MDGA2: variants seen among roughly 807,000 people sequenced by gnomAD.
MDGA2 encodes the protein MAM domain-containing glycosylphosphatidylinositol anchor protein 2.
A neutral mutation model predicts 117.8 loss-of-function variants in MDGA2; 40 were observed. The observed-to-expected ratio is 0.34, with a 90% confidence interval of 0.26 to 0.44. The LOEUF (loss-of-function observed/expected upper bound fraction) is 0.44. MDGA2 is among the 20% of genes least tolerant of loss of function. MDGA2 has a pLI of 1.00. For synonymous variants in MDGA2, 452 were observed against 439.0 expected (o/e 1.03, Z -0.37); for missense variants, 1,123 against 1,250.6 (o/e 0.90, Z 1.54).
intron 1 of MDGA2, among the ~76,000 whole-genome samples, chr14:47,504,487 A>T (rs987988084): frequency 2.0e-5 from 3 of 152,108 alleles, no homozygotes; most frequent in African/African-American, 7.2e-5. Context: ...ATGATGTCTG[A>T]CTTCTTCATG....
At chr14:47,199,787 G>T (rs1209166127) in intron 3 of MDGA2, among the ~76,000 whole-genome samples, 1 of 152,096 alleles carries the variant, frequency 6.6e-6, no homozygotes, top group African/African-American at 2.4e-5. Context: ...AGATCAATTT[G>T]CAAAGAATAT....
At chr14:47,551,876 C>T (rs1895588910) in intron 1 of MDGA2, among the ~76,000 whole-genome samples, 1 of 150,940 alleles carries the variant, frequency 6.6e-6, no homozygotes, top group Admixed American at 6.6e-5. Flanking sequence ...ATTTTTGGAG[C>T]GGTAAGAGGA....
At chr14:47,601,042 T>G (rs1184878724) in intron 1 of MDGA2, among the ~76,000 whole-genome samples, 1 of 152,214 alleles carries the variant, frequency 6.6e-6, no homozygotes, top group African/African-American at 2.4e-5. Flanking sequence ...TCAGAAGTTT[T>G]TTAGAGTACA....
rs1363271833 is a variant in MDGA2 at position 46,856,226 on chromosome 14, A to C, written c.2753-1072T>G. Among the ~76,000 whole-genome samples the C allele has an allele frequency of 2.6e-5, 4 of 152,106 alleles. No homozygotes were observed. In the East Asian group the frequency reaches 7.7e-4, roughly 29 times the overall value. On this transcript the variant is annotated intron_variant, in intron 14 of 16. Coordinates refer to ENST00000399232, the MANE Select transcript of MDGA2 (RefSeq NM_001113498.3). ...GAGTCTTACATCTTAATCACTAGGC[A>C]ATCAATATTTTACTAGATAATTTTA...
At chr14:46,929,649 A>T (rs1323795042) in intron 9 of MDGA2, among the ~76,000 whole-genome samples, 394 of 13,588 alleles carry the variant, frequency 0.029, 35 homozygotes, top group Non-Finnish European at 0.036. Flanking sequence ...ATATATATAC[A>T]TTTTTTTTTT....
rs1039326160 is a variant in MDGA2 at position 47,261,281 on chromosome 14, T to A, written c.420+40130A>T. 3.3e-5 allele frequency among the ~76,000 whole-genome samples: 5 copies of A among 152,248 alleles called. No homozygotes were observed. The South Asian group carries it at 8.3e-4, about 25-fold the overall frequency. ...ACAAAAAGCCAAATTGGAACAGAAA[T>A]TGGCATTTAGCTAGAATCTTTTACA... On this transcript the variant is annotated intron_variant, in intron 2 of 16. Coordinates refer to ENST00000399232, the MANE Select transcript of MDGA2 (RefSeq NM_001113498.3).
At chr14:47,323,873 C>A (rs1002300058) in intron 1 of MDGA2, among the ~76,000 whole-genome samples, 2 of 152,148 alleles carry the variant, frequency 1.3e-5, no homozygotes, top group Non-Finnish European at 2.9e-5. Context: ...TGAGAAAAAA[C>A]AAATCTTAAG....
At chr14:47,237,341 G>A (rs1386413981) in intron 2 of MDGA2, among the ~76,000 whole-genome samples, 4 of 152,056 alleles carry the variant, frequency 2.6e-5, no homozygotes, top group East Asian at 1.9e-4. Context: ...TTTTACGCCC[G>A]GGTCTCCCAG....
chr14:47,620,262 A>G (rs534035540), intron 1 of MDGA2, among the ~76,000 whole-genome samples: 1 of 152,380 alleles, frequency 6.6e-6, no homozygotes, highest in East Asian at 1.9e-4. Context: ...TTTTTGAATG[A>G]CAGCAATAAC....
intron 6 of MDGA2, among the ~76,000 whole-genome samples, chr14:47,066,145 T>C (rs774548954): frequency 1.3e-5 from 2 of 152,192 alleles, no homozygotes; most frequent in Admixed American, 6.5e-5. Flanking sequence ...TGTCCTACTA[T>C]AACTAGGAAC....
At chr14:47,526,731 G>C (rs539011136) in intron 1 of MDGA2, among the ~76,000 whole-genome samples, 1 of 152,228 alleles carries the variant, frequency 6.6e-6, no homozygotes, top group South Asian at 2.1e-4. Flanking sequence ...CTCAAGTCCT[G>C]ATTTACTTGG....
intron 1 of MDGA2, among the ~76,000 whole-genome samples, chr14:47,338,148 C>T (rs942229340): frequency 6.6e-6 from 1 of 151,838 alleles, no homozygotes; most frequent in East Asian, 1.9e-4. Context: ...AGCTGTTATA[C>T]CTTAATTGTG....
At chr14:47,533,441 T>C (rs1895142491) in intron 1 of MDGA2, among the ~76,000 whole-genome samples, 1 of 152,130 alleles carries the variant, frequency 6.6e-6, no homozygotes, top group Non-Finnish European at 1.5e-5. Context: ...CAAGTAAAAT[T>C]CCAATCTGAA....
In MDGA2 at chr14:46,956,581, A is replaced by G. The variant is rs539415824; in HGVS notation, c.2089+793T>C. Among the ~76,000 whole-genome samples, 9 of 152,038 alleles carry G rather than the reference A, an allele frequency of 5.9e-5. No individual in the cohort carries two copies. In the East Asian group the frequency reaches 1.7e-3, roughly 29 times the overall value. On this transcript the variant is annotated intron_variant, in intron 9 of 16. Transcript: ENST00000399232. ...AATACATATATAAATAAGCAAATAA[A>G]CAAAAGAAAAAAAATTCTGGTAATA... is the stretch of plus-strand genomic sequence containing the variant.
chr14:47,510,802 TGATTCTTTCTGC>T (rs1894623316), intron 1 of MDGA2, among the ~76,000 whole-genome samples: 1 of 152,208 alleles, frequency 6.6e-6, no homozygotes, highest in Non-Finnish European at 1.5e-5. Context: ...CCATCAATAG[TGATTCTTTCTGC>T]CCTGCTCCAA....
chr14:47,447,583 A>C (rs1463129286), intron 1 of MDGA2, among the ~76,000 whole-genome samples: 1 of 152,104 alleles, frequency 6.6e-6, no homozygotes, highest in East Asian at 1.9e-4. Flanking sequence ...AATTCTTAAC[A>C]TTCTATGGGG....
chr14:47,008,336 C>A (rs1422077720), intron 8 of MDGA2, among the ~76,000 whole-genome samples: 2 of 151,842 alleles, frequency 1.3e-5, no homozygotes, highest in Non-Finnish European at 2.9e-5. Context: ...GTTGGCAGAA[C>A]AAGCCAATGC....
intron 8 of MDGA2, among the ~76,000 whole-genome samples, chr14:46,998,041 T>C (rs1254333796): frequency 6.6e-6 from 1 of 151,524 alleles, no homozygotes; most frequent in Non-Finnish European, 1.5e-5. Flanking sequence ...GAAACAAGAG[T>C]CAGACATTTA....
intron 1 of MDGA2, among the ~76,000 whole-genome samples, chr14:47,464,190 T>C (rs758110130): frequency 4.0e-5 from 6 of 151,570 alleles, no homozygotes; most frequent in Non-Finnish European, 7.4e-5. Context: ...AAATCAGAGC[T>C]GACTGGACCT....
Sources: gnomAD v4.1 joint callset for allele counts (sites outside exome capture counted in the v4.1 genomes callset) on GRCh38, gnomAD v4.1.1 for gene constraint, MANE v1.5 for transcripts, NCBI Gene and HGNC (gene_info 2026-07-23, HGNC 2026-07-21) for gene names.